Variants in MTHFD2L observed in about 807,000 individuals in gnomAD.
MTHFD2L encodes the protein bifunctional methylenetetrahydrofolate dehydrogenase/cyclohydrolase 2, mitochondrial.
MTHFD2L carries 29 observed loss-of-function variants against 34.9 expected under a neutral mutation model. That is an observed-to-expected ratio of 0.83 (90% CI 0.62 to 1.13). The LOEUF is 1.13. Ranked by LOEUF, MTHFD2L falls within the 50% of genes most tolerant of loss-of-function variation. The pLI is 0.00. For missense variants in MTHFD2L, 481 were observed against 446.5 expected (o/e 1.08, Z -0.70); for synonymous variants, 167 against 155.7 (o/e 1.07, Z -0.54).
chr4:74,212,441 T>C (rs1211889070), intron 5 of MTHFD2L, among the ~76,000 whole-genome samples: 1 of 152,192 alleles, frequency 6.6e-6, no homozygotes, highest in Non-Finnish European at 1.5e-5. Context: ...CTGCCTTTAT[T>C]TCGTTATTTA....
Position 74,250,569 on chromosome 4 carries a change from A to T in MTHFD2L, c.805+25175A>T, listed in dbSNP as rs552740745. ...GCAAATTTCTATTGAAATATTGGAA[A>T]TATTTTTCTATCTGGATATTGTTCT... On this transcript the variant is annotated intron_variant, in intron 6 of 7. Coordinates refer to ENST00000325278, the MANE Select transcript of MTHFD2L (RefSeq NM_001144978.3). Among the ~76,000 whole-genome samples the T allele has an allele frequency of 2.6e-5, 4 of 152,304 alleles. No individual in the cohort carries two copies. In the East Asian group the frequency reaches 7.7e-4, roughly 29 times the overall value.
chr4:74,161,896 G>C (rs1372156057), intron 1 of MTHFD2L: 1 of 152,204 alleles, frequency 6.6e-6, no homozygotes, highest in Non-Finnish European at 1.5e-5. Context: ...TTGGCTTAGA[G>C]ATAATTAAGT....
chr4:74,296,219 C>G (rs576175495), intron 7 of MTHFD2L, among the ~76,000 whole-genome samples: 1 of 152,166 alleles, frequency 6.6e-6, no homozygotes, highest in South Asian at 2.1e-4. Context: ...ATTGCCATAA[C>G]AAAGAATTTA....
At chr4:74,135,389 T>C (rs1052496359) in intron 1 of MTHFD2L, among the ~76,000 whole-genome samples, 14 of 151,938 alleles carry the variant, frequency 9.2e-5, no homozygotes, top group African/African-American at 3.1e-4. Context: ...TGCCAACAAA[T>C]TGGAAAATAT....
At chr4:74,193,673 G>A (rs1035661824) in intron 3 of MTHFD2L, among the ~76,000 whole-genome samples, 6 of 152,040 alleles carry the variant, frequency 3.9e-5, no homozygotes, top group Admixed American at 2.0e-4. Context: ...AGCATTTTAT[G>A]ATTTGTCAGC....
intron 6 of MTHFD2L, among the ~76,000 whole-genome samples, chr4:74,270,054 T>A (rs967628952): frequency 6.6e-6 from 1 of 152,150 alleles, no homozygotes; most frequent in Non-Finnish European, 1.5e-5. Context: ...TGAATCTGTA[T>A]CCCTACACAA....
chr4:74,214,096 T>C (rs1474519078), intron 5 of MTHFD2L, among the ~76,000 whole-genome samples: 1 of 151,838 alleles, frequency 6.6e-6, no homozygotes, highest in Non-Finnish European at 1.5e-5. Flanking sequence ...GTTATTCTAG[T>C]TAGCAATTCC....
chr4:74,259,286 A>G (rs765405096), intron 6 of MTHFD2L, among the ~76,000 whole-genome samples: 4 of 152,084 alleles, frequency 2.6e-5, no homozygotes, highest in Non-Finnish European at 5.9e-5. Context: ...CCCAGCACCC[A>G]CTCATAGGGT....
intron 3 of MTHFD2L, among the ~76,000 whole-genome samples, chr4:74,191,473 G>A (rs1732500357): frequency 6.6e-6 from 1 of 151,518 alleles, no homozygotes; most frequent in Admixed American, 6.6e-5. Context: ...TAGTCAATAA[G>A]GTAGATGCAA....
chr4:74,168,253 C>T (rs532629733), intron 1 of MTHFD2L, among the ~76,000 whole-genome samples: 12 of 152,324 alleles, frequency 7.9e-5, no homozygotes, highest in African/African-American at 2.4e-4. Context: ...TCATGTCTTA[C>T]CCTAGTTCAC....
chr4:74,145,301 AT>A (rs1208631480), intron 1 of MTHFD2L, among the ~76,000 whole-genome samples: 41 of 152,346 alleles, frequency 2.7e-4, no homozygotes, highest in African/African-American at 9.1e-4. Context: ...TACATAGCAT[AT>A]ACATTGTATT....
At chr4:74,231,753 A>T (rs1740098613) in intron 6 of MTHFD2L, among the ~76,000 whole-genome samples, 1 of 152,198 alleles carries the variant, frequency 6.6e-6, no homozygotes, top group Non-Finnish European at 1.5e-5. Flanking sequence ...AATGATAATA[A>T]TAAAAGTAAC....
chr4:74,247,587 G>T (rs1195071129), intron 6 of MTHFD2L, among the ~76,000 whole-genome samples: 7 of 152,166 alleles, frequency 4.6e-5, no homozygotes, highest in Non-Finnish European at 1.0e-4. Flanking sequence ...TCCAGGTTTT[G>T]CCCATTCAGT....
At chr4:74,164,088 G>T (rs928452403) in intron 1 of MTHFD2L, among the ~76,000 whole-genome samples, 3 of 152,122 alleles carry the variant, frequency 2.0e-5, no homozygotes, top group East Asian at 3.9e-4. Context: ...TGTTAGCCAG[G>T]ATGCGTCTTG....
intron 7 of MTHFD2L, among the ~76,000 whole-genome samples, chr4:74,296,208 G>A (rs1191545330): frequency 6.6e-6 from 1 of 152,106 alleles, no homozygotes; most frequent in Admixed American, 6.6e-5. Flanking sequence ...AAAAGACCTT[G>A]ATTGCCATAA....
intron 1 of MTHFD2L, among the ~76,000 whole-genome samples, chr4:74,171,734 C>T (rs761210217): frequency 1.3e-5 from 2 of 151,966 alleles, no homozygotes; most frequent in Non-Finnish European, 2.9e-5. Flanking sequence ...ACCCAGGAGG[C>T]GGAGGTTGTA....
chr4:74,235,331 G>C (rs1452184108), intron 6 of MTHFD2L, among the ~76,000 whole-genome samples: 1 of 152,130 alleles, frequency 6.6e-6, no homozygotes, highest in Non-Finnish European at 1.5e-5. Flanking sequence ...AGACTAGAAA[G>C]GCTTACTGGC....
intron 1 of MTHFD2L, among the ~76,000 whole-genome samples, chr4:74,131,116 C>T (rs1340910032): frequency 1.3e-5 from 2 of 152,184 alleles, no homozygotes; most frequent in Non-Finnish European, 2.9e-5. Flanking sequence ...ACATTCTATG[C>T]TCATTGATAG....
intron 1 of MTHFD2L, chr4:74,161,410 A>C (rs1725435417): frequency 6.6e-6 from 1 of 152,220 alleles, no homozygotes. Context: ...AAATGTGATA[A>C]TGTGGGTAGT....
Sources: allele counts gnomAD v4.1 joint callset (sites outside exome capture counted in the v4.1 genomes callset), GRCh38; gene constraint gnomAD v4.1.1; transcripts MANE v1.5; gene names NCBI Gene and HGNC (gene_info 2026-07-23, HGNC 2026-07-21).